AMBRA1: variants seen among roughly 807,000 people sequenced by gnomAD.
The protein encoded by AMBRA1 is activating molecule in BECN1-regulated autophagy protein 1.
A neutral mutation model predicts 125.4 loss-of-function variants in AMBRA1; 47 were observed. The ratio of observed to expected loss-of-function variants is 0.37; its 90% CI spans 0.30 to 0.48. AMBRA1 has a LOEUF of 0.48. Among genes scored for constraint, AMBRA1 ranks in the 20% least tolerant of loss-of-function variants. The pLI, the probability that AMBRA1 is intolerant of heterozygous loss-of-function variation, is 0.99. For synonymous variants in AMBRA1, 626 were observed against 655.5 expected (o/e 0.95, Z 0.69); for missense variants, 1,331 against 1,693.4 (o/e 0.79, Z 3.76).
intron 1 of AMBRA1, among the ~76,000 whole-genome samples, chr11:46,565,934 G>A (rs982639960): frequency 2.0e-5 from 3 of 151,878 alleles, no homozygotes; most frequent in Admixed American, 2.0e-4. Context: ...CATCACATCG[G>A]CTAATTTTTT....
At chr11:46,451,408 C>T (rs1046158069) in intron 11 of AMBRA1, among the ~76,000 whole-genome samples, 7 of 152,130 alleles carry the variant, frequency 4.6e-5, no homozygotes, top group Non-Finnish European at 1.0e-4. Flanking sequence ...ATCTCTCTAC[C>T]TTTGCTTCTC....
At chr11:46,537,209 A>G (rs913410324) in intron 7 of AMBRA1, among the ~76,000 whole-genome samples, 1 of 152,232 alleles carries the variant, frequency 6.6e-6, no homozygotes, top group Non-Finnish European at 1.5e-5. Context: ...ATTTCTTACA[A>G]TAAGAGTTAA....
intron 1 of AMBRA1, among the ~76,000 whole-genome samples, chr11:46,550,427 T>G (rs2135198261): frequency 1.3e-5 from 2 of 152,310 alleles, no homozygotes; most frequent in Middle Eastern, 6.8e-3. Flanking sequence ...GCCAGACCTC[T>G]CTTTATAAAG....
chr11:46,481,585 A>G (rs560133519), intron 11 of AMBRA1, among the ~76,000 whole-genome samples: 1 of 152,068 alleles, frequency 6.6e-6, no homozygotes, highest in East Asian at 1.9e-4. Context: ...CTGGTCTCGA[A>G]CTCCCGACTT....
chr11:46,578,079 C>CA (rs914985352), intron 1 of AMBRA1, among the ~76,000 whole-genome samples: 2 of 151,912 alleles, frequency 1.3e-5, no homozygotes, highest in Admixed American at 6.6e-5. Flanking sequence ...CTACAATCAC[C>CA]ACTGTAGTCT....
chr11:46,512,775 T>C lies in AMBRA1; in HGVS notation c.2111A>G (p.Tyr704Cys). 2 of 1,613,394 alleles carry C rather than the reference T, an allele frequency of 1.2e-6. No individual in the cohort carries two copies. The highest frequency in any genetic ancestry group is 2.2e-5 in the East Asian group (1 of 44,854). The stretch of plus-strand genomic sequence containing the variant: ...GTGCTCTCTGGATCCTGCTCCATCA[T>C]AACGGGATAATGAAATGAGGGAAGA... ...LESSLISLSR[Y>C]DGAGSREHPI... The change falls in exon 8 of 18, where the codon TAT becomes TGT. Residue 704 changes from tyrosine to cysteine, a missense_variant. Tyr to Cys is a radical substitution (Grantham distance 194). Coordinates refer to ENST00000683756, the MANE Select transcript of AMBRA1 (RefSeq NM_001387011.1).
At chr11:46,506,321 T>C (rs1437442615) in intron 9 of AMBRA1, among the ~76,000 whole-genome samples, 3 of 152,230 alleles carry the variant, frequency 2.0e-5, no homozygotes, top group African/African-American at 7.2e-5. Context: ...CATCCCTGCA[T>C]TTCTTTCACA....
chr11:46,520,613 T>A (rs571510932), intron 7 of AMBRA1, among the ~76,000 whole-genome samples: 62 of 151,184 alleles, frequency 4.1e-4, no homozygotes, highest in African/African-American at 1.4e-3. Flanking sequence ...TTTTTTTTTT[T>A]GAGACGGAGT....
intron 7 of AMBRA1, among the ~76,000 whole-genome samples, chr11:46,537,888 CCACT>C (rs2135152139): frequency 6.6e-6 from 1 of 152,340 alleles, no homozygotes; most frequent in African/African-American, 2.4e-5. Flanking sequence ...TTTATGAACT[CCACT>C]CACTCAGGAA....
At chr11:46,443,671 A>T in intron 11 of AMBRA1, 73 bp from the exon 12 acceptor site, 1 of 1,296,476 alleles carries the variant, frequency 7.7e-7, no homozygotes, top group Non-Finnish European at 1.1e-6. Context: ...ATAAAACAAT[A>T]CTGGGATTAG....
At chr11:46,427,567 G>A (rs150911921) in intron 14 of AMBRA1, among the ~76,000 whole-genome samples, 2 of 152,148 alleles carry the variant, frequency 1.3e-5, no homozygotes, top group East Asian at 1.9e-4. Context: ...GCTGGGCCTC[G>A]CCCCCAGAGT....
chr11:46,491,516 CAA>C (rs1415977919), intron 11 of AMBRA1: 7 of 152,110 alleles, frequency 4.6e-5, no homozygotes, highest in Admixed American at 4.6e-4. Flanking sequence ...GGAATTTTCT[CAA>C]GAGAAGAAAA....
chr11:46,535,796 A>G (rs1952446456), intron 7 of AMBRA1, among the ~76,000 whole-genome samples: 3 of 152,238 alleles, frequency 2.0e-5, no homozygotes, highest in Admixed American at 1.3e-4. Flanking sequence ...AGATAAAAAA[A>G]GGGAAGGCTG....
At chr11:46,513,937 C>T (rs956873561) in intron 7 of AMBRA1, among the ~76,000 whole-genome samples, 12 of 150,850 alleles carry the variant, frequency 8.0e-5, no homozygotes, top group African/African-American at 2.0e-4. Flanking sequence ...ATAATAAACA[C>T]GGCCCAGGGG....
chr11:46,421,430 T>C (rs1946846296), intron 14 of AMBRA1, among the ~76,000 whole-genome samples: 1 of 152,222 alleles, frequency 6.6e-6, no homozygotes, highest in South Asian at 2.1e-4. Flanking sequence ...TCCTGGATCC[T>C]GATAAGCACT....
intron 2 of AMBRA1, 22 bp downstream of exon 2, chr11:46,548,224 G>T: frequency 6.2e-7 from 1 of 1,613,902 alleles, no homozygotes; most frequent in East Asian, 2.2e-5. Context: ...AATCCTATGT[G>T]AAATATAGCC....
At chr11:46,398,928 C>T (rs1368998582) in intron 17 of AMBRA1, among the ~76,000 whole-genome samples, 1 of 151,980 alleles carries the variant, frequency 6.6e-6, no homozygotes, top group Non-Finnish European at 1.5e-5. Flanking sequence ...CATGCACCAT[C>T]ATACCTGGCT....
chr11:46,582,789 C>G (rs1215743414), intron 1 of AMBRA1, among the ~76,000 whole-genome samples: 1 of 152,060 alleles, frequency 6.6e-6, no homozygotes, highest in South Asian at 2.1e-4. Context: ...TACTACAGTA[C>G]CTGGCACAAA....
intron 9 of AMBRA1, among the ~76,000 whole-genome samples, chr11:46,501,013 C>T (rs1415663624): frequency 6.6e-6 from 1 of 152,226 alleles, no homozygotes; most frequent in African/African-American, 2.4e-5. Flanking sequence ...AGACAAAGAT[C>T]TAGCTCCATT....
Sources: gnomAD v4.1 joint callset for allele counts (sites outside exome capture counted in the v4.1 genomes callset) on GRCh38, gnomAD v4.1.1 for gene constraint, MANE v1.5 for transcripts, NCBI Gene and HGNC (gene_info 2026-07-23, HGNC 2026-07-21) for gene names.